Variants in ZNF396 observed in about 807,000 individuals in gnomAD.
The protein encoded by ZNF396 is zinc finger protein 396.
ZNF396 carries 14 observed loss-of-function variants against 20.5 expected under a neutral mutation model. The observed-to-expected ratio is 0.68, with a 90% confidence interval of 0.45 to 1.07. The LOEUF is 1.07. Among genes scored for constraint, ZNF396 ranks in the 50% least tolerant of loss-of-function variants. The probability of loss-of-function intolerance (pLI) is 0.00; values close to 1 mark genes in which losing one functional copy is unlikely to be tolerated. For missense variants in ZNF396, 347 were observed against 390.1 expected (o/e 0.89, Z 0.93); for synonymous variants, 119 against 140.6 (o/e 0.85, Z 1.08).
Position 35,373,616 on chromosome 18 carries a change from A to C in ZNF396, c.418-16T>G, listed in dbSNP as rs1168922898. 4.3e-6 allele frequency: 7 copies of C among 1,612,900 alleles called. No homozygotes were observed. In the African/African-American group the frequency reaches 8.0e-5, roughly 18 times the overall value. ...CAAAAAAGATCTAAAAACAGGAATA[A>C]TTGAGGCTGAAGAACACCATCAGGT... On this transcript the variant is annotated splice_polypyrimidine_tract_variant and intron_variant, in intron 2 of 3. Coordinates refer to ENST00000589332, the MANE Select transcript of ZNF396 (RefSeq NM_001322286.2).
rs945682287 is a variant in ZNF396 at position 35,377,275 on chromosome 18, C to T, written c.-73+3G>A. ...GGGGCCCTAAAGAGGCCTCGGGTCT[C>T]ACCTCCCGACGCCGTCGGGGAGAAA... is the stretch of plus-strand genomic sequence containing the variant. On this transcript the variant is annotated splice_donor_region_variant and intron_variant, in intron 1 of 3. Coordinates refer to ENST00000589332, the MANE Select transcript of ZNF396 (RefSeq NM_001322286.2). 1.3e-5 allele frequency: 2 copies of T among 152,008 alleles called. No individual in the cohort carries two copies. The highest frequency in any genetic ancestry group is 4.8e-5 in the African/African-American group (2 of 41,420). The allele number at this position is 152,008 out of a possible 1,614,324, so 9.4% of individuals were successfully genotyped here. A position where few individuals can be genotyped will look rare whatever the true frequency, so the allele number is the denominator to read the frequency against.
chr18:35,368,524 C>T lies in ZNF396; in HGVS notation c.*691G>A, dbSNP rs942741798. On this transcript the variant is annotated 3_prime_UTR_variant, in exon 4 of 4. Coordinates refer to ENST00000589332, the MANE Select transcript of ZNF396 (RefSeq NM_001322286.2). The stretch of plus-strand genomic sequence containing the variant: ...TTTATTTATTTATTTATTTTAAAGA[C>T]GGAGTCTTGCTCTGTCTGAGCGGTT... 29 of 550,900 alleles carry T rather than the reference C, an allele frequency of 5.3e-5. No homozygotes were observed. The highest frequency in any genetic ancestry group is 9.4e-5 in the Admixed American group (1 of 10,660). The allele number at this position is 550,900 out of a possible 1,614,324, so 34.1% of individuals were successfully genotyped here.
intron 1 of ZNF396, among the ~76,000 whole-genome samples, chr18:35,375,674 G>C (rs1350297920): frequency 6.6e-6 from 1 of 151,898 alleles, no homozygotes; most frequent in Non-Finnish European, 1.5e-5. Flanking sequence ...AGTTGGGGGG[G>C]GACGGCACTT....
Position 35,367,132 on chromosome 18 carries a change from G to A in ZNF396, c.*2083C>T, listed in dbSNP as rs756742752. 1.3e-5 allele frequency: 2 copies of A among 151,988 alleles called. No individual in the cohort carries two copies. The highest frequency in any genetic ancestry group is 2.4e-5 in the African/African-American group (1 of 41,362). 9.4% of individuals were successfully genotyped at this position (151,988 alleles called of 1,614,324 possible). A position where few individuals can be genotyped will look rare whatever the true frequency, so the allele number is the denominator to read the frequency against. ...TTCAATAGATGGTTTGTTCCTCTCC[G>A]TAATTACAAAGACAATGAGCCCCAA... is the stretch of plus-strand genomic sequence containing the variant. On this transcript the variant is annotated 3_prime_UTR_variant, in exon 4 of 4. Transcript: ENST00000589332.
At chr18:35,370,722 C>G (rs1284286252) in intron 3 of ZNF396, among the ~76,000 whole-genome samples, 1 of 151,538 alleles carries the variant, frequency 6.6e-6, no homozygotes, top group East Asian at 1.9e-4. Flanking sequence ...ACCGTTTTAG[C>G]CGGGATGGTC....
In ZNF396 at chr18:35,373,482, C is replaced by T. The variant is rs1239783886; in HGVS notation, c.536G>A (p.Trp179Ter). ...PVKKQLQGASWELQSLRPHDE... is the reference protein window; with the variant it reads ...PVKKQLQGAS The stretch of plus-strand genomic sequence containing the variant: ...ATGTGGTCTTAAGGACTGAAGCTCC[C>T]ATGATGCTCCCTGGAGCTGCTTCTT... Residue 179 changes from tryptophan to a stop codon, truncating the protein, a stop_gained, in exon 3 of 4, where the codon TGG becomes TAG. Coordinates refer to ENST00000589332, the MANE Select transcript of ZNF396 (RefSeq NM_001322286.2). LOFTEE classifies it low-confidence loss of function (END_TRUNC). The T allele has an allele frequency of 4.3e-6, 7 of 1,613,934 alleles. No homozygotes were observed. The highest frequency in any genetic ancestry group is 5.1e-6 in the Non-Finnish European group (6 of 1,180,014).
intron 1 of ZNF396, chr18:35,376,242 T>C (rs1486415922): frequency 6.6e-6 from 1 of 152,184 alleles, no homozygotes; most frequent in Non-Finnish European, 1.5e-5. Flanking sequence ...TGTTACCAAA[T>C]AAATGATACA....
chr18:35,368,397 A>T lies in ZNF396; in HGVS notation c.*818T>A. The T allele has an allele frequency of 6.8e-7, 1 of 1,461,584 alleles. No homozygotes were observed. The highest frequency in any genetic ancestry group is 9.1e-7 in the Non-Finnish European group (1 of 1,099,586). The allele number at this position is 1,461,584 out of a possible 1,614,324, so 90.5% of individuals were successfully genotyped here. ...CCTGGGGCACTTCAGCCTAGTCTTG[A>T]AGTACATATTCTTTTGGGCCTCTGC... On this transcript the variant is annotated 3_prime_UTR_variant, in exon 4 of 4. Transcript: ENST00000589332.
chr18:35,375,103 G>A (rs576655358), intron 1 of ZNF396, among the ~76,000 whole-genome samples: 7 of 151,930 alleles, frequency 4.6e-5, no homozygotes, highest in African/African-American at 1.7e-4. Context: ...AGCTTTTACT[G>A]TTAAAACATT....
chr18:35,374,526 T>A lies in ZNF396; in HGVS notation c.-72-162A>T. 1 of 345,204 alleles carries A rather than the reference T, an allele frequency of 2.9e-6. No homozygotes were observed. The highest frequency in any genetic ancestry group is 5.4e-6 in the Non-Finnish European group (1 of 184,646). 21.4% of individuals were successfully genotyped at this position (345,204 alleles called of 1,614,324 possible). A position where few individuals can be genotyped will look rare whatever the true frequency, so the allele number is the denominator to read the frequency against. Reference sequence around the variant, plus strand: ...ATTTATTTATTTTTGAGATGGAGTCTTGCTCTGTTGCCCAGGCTGGAGTGC... The same window carrying A: ...ATTTATTTATTTTTGAGATGGAGTCATGCTCTGTTGCCCAGGCTGGAGTGC... On this transcript the variant is annotated intron_variant, in intron 1 of 3. Transcript: ENST00000589332. This position sits in a 1 kb window ranked among gnomAD's most constrained non-coding sequence, Gnocchi z 4.3.
rs1045768101 is a variant in ZNF396 at position 35,376,751 on chromosome 18, G to A, written c.-73+527C>T. ...AGAGAGTGGCCGCCCTGTCACTTCA[G>A]CACCAGGCGCAGAATCTGTGCTAAA... On this transcript the variant is annotated intron_variant, in intron 1 of 3. Transcript: ENST00000589332. Among the ~76,000 whole-genome samples the A allele has an allele frequency of 1.1e-4, 16 of 152,326 alleles. No homozygotes were observed. In the East Asian group the frequency reaches 3.1e-3, roughly 29 times the overall value.
In ZNF396 at chr18:35,373,459, G is replaced by A; in HGVS notation, c.559C>T (p.His187Tyr). 2 of 1,613,300 alleles carry A rather than the reference G, an allele frequency of 1.2e-6. No individual in the cohort carries two copies. Among genetic ancestry groups the A allele is most frequent in the Non-Finnish European group, 1.7e-6 (2 of 1,179,676 alleles). Reference protein sequence around the residue: ...ASWELQSLRPHDEDIKTTNVK... With the variant: ...ASWELQSLRPYDEDIKTTNVK... The stretch of plus-strand genomic sequence containing the variant: ...GAACTGAATCCTGCCCCCTCACCAT[G>A]TGGTCTTAAGGACTGAAGCTCCCAT... Residue 187 changes from histidine to tyrosine, a missense_variant, in exon 3 of 4, where the codon CAT (histidine) becomes TAT (tyrosine). Transcript: ENST00000589332.
rs746953539 is a variant in ZNF396, at chr18:35,374,134, C to A, written c.159G>T (p.Gln53His). The part of the protein sequence containing the change: ...SSSYSPETFR[Q>H]QFRQFGYQDS... The stretch of plus-strand genomic sequence containing the variant: ...CCTGGTAGCCAAACTGCCTGAATTG[C>A]TGGCGGAAGGTCTCTGGGCTGTAGC... The change falls in exon 2 of 4, where the codon CAG (glutamine) becomes CAT (histidine). Residue 53 changes from glutamine to histidine, a missense_variant. Coordinates refer to ENST00000589332, the MANE Select transcript of ZNF396 (RefSeq NM_001322286.2). The surrounding 1 kb of genome is among the most constrained non-coding windows in gnomAD (Gnocchi z 4.3). 1 of 1,614,220 alleles carries A rather than the reference C, an allele frequency of 6.2e-7. No individual in the cohort carries two copies. Among genetic ancestry groups the A allele is most frequent in the Non-Finnish European group, 8.5e-7 (1 of 1,180,036 alleles).
Position 35,369,231 on chromosome 18 carries a change from CT to C in ZNF396, c.991del (p.Arg331GlufsTer55), listed in dbSNP as rs771294044. On this transcript the variant is annotated frameshift_variant, in exon 4 of 4. Transcript: ENST00000589332. LOFTEE classifies it high-confidence loss of function. ...NLFRHRKRHI[R>X]KKVP is the part of the protein sequence containing the mutation. Reference sequence around the variant, plus strand: ...TCATGATACTTATGGGACTTTTTTTCTAATGTGTCTTTTCCTATGTCTAAAA... The same window carrying C: ...TCATGATACTTATGGGACTTTTTTTCAATGTGTCTTTTCCTATGTCTAAAA... 1 of 1,578,188 alleles carries C rather than the reference CT, an allele frequency of 6.3e-7. No homozygotes were observed. Among genetic ancestry groups the C allele is most frequent in the Non-Finnish European group, 8.6e-7 (1 of 1,164,614 alleles).
At chr18:35,375,013 G>A (rs369754942) in intron 1 of ZNF396, among the ~76,000 whole-genome samples, 25 of 152,286 alleles carry the variant, frequency 1.6e-4, no homozygotes, top group African/African-American at 5.8e-4. Flanking sequence ...CCAGTTCAAA[G>A]AGCCAATCGG....
chr18:35,373,359 G>C (rs772863947), intron 3 of ZNF396, 97 bp downstream of exon 3: 2 of 1,405,632 alleles, frequency 1.4e-6, no homozygotes, highest in Middle Eastern at 1.9e-4. Flanking sequence ...AGATGAGAGG[G>C]GGAGATTTGA....
In ZNF396 at chr18:35,374,555, G is replaced by A; in HGVS notation, c.-72-191C>T. 1 of 274,380 alleles carries A rather than the reference G, an allele frequency of 3.6e-6. No homozygotes were observed. The allele number at this position is 274,380 out of a possible 1,614,324, so 17.0% of individuals were successfully genotyped here. On this transcript the variant is annotated intron_variant, in intron 1 of 3. Coordinates refer to ENST00000589332, the MANE Select transcript of ZNF396 (RefSeq NM_001322286.2). The surrounding 1 kb of genome is among the most constrained non-coding windows in gnomAD (Gnocchi z 4.3). ...TCTGTTGCCCAGGCTGGAGTGCAAT[G>A]GTGTGATCTCGGCTCACTGCAACCT... is the stretch of plus-strand genomic sequence containing the variant.
intron 1 of ZNF396, chr18:35,376,056 T>A (rs1324925850): frequency 6.6e-6 from 1 of 152,204 alleles, no homozygotes; most frequent in African/African-American, 2.4e-5. Context: ...TCATATTTTT[T>A]AAATTGGGCA....
At position 35,369,374 on chromosome 18, in the gene ZNF396, C is replaced by T. The variant is rs1209721397; in HGVS notation, c.849G>A (p.Glu283=). ...CGCTTCGGCTGAATGCCTTTGCACA[C>T]TCGTCACATGCATAAGGTTTCTTTC... is the stretch of plus-strand genomic sequence containing the variant. The part of the protein sequence containing the change: ...HSGKKPYACD[E]CAKAFSRSAI... Residue 283 remains glutamate, a synonymous_variant, in exon 4 of 4, where the codon GAG becomes GAA. Transcript: ENST00000589332. The T allele has an allele frequency of 1.2e-6, 2 of 1,614,226 alleles. No homozygotes were observed. The highest frequency in any genetic ancestry group is 1.7e-6 in the Non-Finnish European group (2 of 1,180,048).
Sources: allele counts gnomAD v4.1 joint callset (sites outside exome capture counted in the v4.1 genomes callset), GRCh38; gene constraint gnomAD v4.1.1; non-coding constraint Gnocchi (gnomAD v3.1); transcripts MANE v1.5; gene names NCBI Gene and HGNC (gene_info 2026-07-23, HGNC 2026-07-21).